VGLL4: variants seen among roughly 807,000 people sequenced by gnomAD.
VGLL4 encodes vestigial like family member 4, also known as transcription cofactor vestigial-like protein 4.
Under a neutral mutation model 21.0 loss-of-function variants are expected in VGLL4, and 7 were observed. The observed-to-expected ratio is 0.33, with a 90% CI of 0.19 to 0.63. The LOEUF (loss-of-function observed/expected upper bound fraction) is 0.63. Among genes scored for constraint, VGLL4 ranks in the 20% least tolerant of loss-of-function variants. The pLI is 0.78. For synonymous variants in VGLL4, 222 were observed against 173.2 expected (o/e 1.28, Z -2.21); for missense variants, 394 against 425.7 (o/e 0.93, Z 0.66).
At chr3:11,646,876 G>A (rs111633888), upstream of VGLL4, among the ~76,000 whole-genome samples, 302 of 152,252 alleles carry the variant, frequency 2.0e-3, no homozygotes, top group African/African-American at 7.1e-3. Flanking sequence ...AGAGGGGTTC[G>A]AGCACCAGGT....
In VGLL4 at chr3:11,585,992, T is replaced by TC. The variant is rs1449766397; in HGVS notation, c.272+15840dup. ...ACTCCAGAGCAGTCTCTGGGTCCCC[T>TC]CTTCCCATGAAAGCCCCCAACCCTT... On this transcript the variant is annotated intron_variant, in intron 2 of 4. Transcript: ENST00000430365. 7.2e-5 allele frequency among the ~76,000 whole-genome samples: 11 copies of TC among 152,230 alleles called. No homozygotes were observed. In the East Asian group the frequency reaches 2.1e-3, roughly 29 times the overall value.
At chr3:11,642,068 G>GA (rs1017217930) in intron 1 of VGLL4, among the ~76,000 whole-genome samples, 5 of 151,702 alleles carry the variant, frequency 3.3e-5, no homozygotes, top group African/African-American at 1.2e-4. Context: ...TACAATGTGT[G>GA]AATGTCACGG....
At chr3:11,613,719 A>G (rs1297299758) in intron 1 of VGLL4, among the ~76,000 whole-genome samples, 3 of 152,210 alleles carry the variant, frequency 2.0e-5, no homozygotes, top group Admixed American at 2.0e-4. Context: ...AGGGATTTCT[A>G]TGCGAATCAA....
intron 2 of VGLL4, chr3:11,702,936 C>A: frequency 6.3e-7 from 1 of 1,584,470 alleles, no homozygotes; most frequent in Non-Finnish European, 8.6e-7. Context: ...ATCATTAAAG[C>A]ACTTAAGCTA....
rs1283508307 is a variant in VGLL4 at position 11,719,426 on chromosome 3, G to C, written c.-14+968C>G. 1.3e-5 allele frequency: 2 copies of C among 151,694 alleles called. No homozygotes were observed. The highest frequency in any genetic ancestry group is 4.8e-5 in the African/African-American group (2 of 41,368). 9.4% of individuals were successfully genotyped at this position (151,694 alleles called of 1,614,324 possible). ...GGTCAACCGCACTCACCGCCCGGCG[G>C]CTCTGGGCGCGCCCGCCTGGGGCCG... On this transcript the variant is annotated intron_variant, in intron 1 of 5. Transcript: ENST00000273038. This position sits in a 1 kb window ranked among gnomAD's most constrained non-coding sequence, Gnocchi z 4.0.
chr3:11,651,237 G>C (rs578206355), intron 2 of VGLL4, among the ~76,000 whole-genome samples: 20 of 151,682 alleles, frequency 1.3e-4, no homozygotes, highest in African/African-American at 3.6e-4. Context: ...CAGCTACTTG[G>C]GAGGCTGAGG....
At chr3:11,604,643 G>C (rs935847142) in intron 1 of VGLL4, 1 of 674,862 alleles carries the variant, frequency 1.5e-6, no homozygotes, top group African/African-American at 2.0e-5. Flanking sequence ...TTGCAATCTT[G>C]ACTCCTCCTT....
intron 1 of VGLL4, 71 bp downstream of exon 1, chr3:11,643,366 A>G (rs2075732794): frequency 6.2e-7 from 1 of 1,611,122 alleles, no homozygotes; most frequent in African/African-American, 1.3e-5. Flanking sequence ...CTTAGAAGGC[A>G]GGCACCCAGC....
intron 2 of VGLL4, chr3:11,582,323 C>T: frequency 1.3e-6 from 2 of 1,596,156 alleles, no homozygotes; most frequent in Non-Finnish European, 1.7e-6. Context: ...GAAGACAGCC[C>T]AGCGTCCTCC....
At chr3:11,683,943 G>T (rs547029603) in intron 2 of VGLL4, among the ~76,000 whole-genome samples, 37 of 152,210 alleles carry the variant, frequency 2.4e-4, no homozygotes, top group Middle Eastern at 3.4e-3. Context: ...AGGTGTGATG[G>T]ATCACACCTG....
chr3:11,634,635 A>C (rs930134108), intron 1 of VGLL4, among the ~76,000 whole-genome samples: 12 of 151,250 alleles, frequency 7.9e-5, no homozygotes, highest in Admixed American at 5.3e-4. Context: ...GTTGCTCACC[A>C]TATGTGCACC....
At chr3:11,714,124 C>T (rs2076887126) in intron 1 of VGLL4, among the ~76,000 whole-genome samples, 1 of 152,100 alleles carries the variant, frequency 6.6e-6, no homozygotes, top group South Asian at 2.1e-4. Context: ...TGATCATGTA[C>T]CCGGTGAGGT....
intron 2 of VGLL4, among the ~76,000 whole-genome samples, chr3:11,686,068 A>C (rs2076443018): frequency 6.6e-6 from 1 of 152,182 alleles, no homozygotes; most frequent in African/African-American, 2.4e-5. Flanking sequence ...AGAAATTGGA[A>C]CCCTTGTGTA....
intron 1 of VGLL4, among the ~76,000 whole-genome samples, chr3:11,704,670 G>A (rs2076734561): frequency 6.6e-6 from 1 of 152,130 alleles, no homozygotes; most frequent in Non-Finnish European, 1.5e-5. Flanking sequence ...GTTTGAGGAA[G>A]CCTGGAGTAA....
At chr3:11,661,752 G>A (rs990326493) in intron 2 of VGLL4, among the ~76,000 whole-genome samples, 1 of 152,168 alleles carries the variant, frequency 6.6e-6, no homozygotes, top group Non-Finnish European at 1.5e-5. Flanking sequence ...GATTACAGGT[G>A]TGAGCCACTG....
intron 1 of VGLL4, among the ~76,000 whole-genome samples, chr3:11,642,987 T>C (rs1487411698): frequency 1.3e-5 from 2 of 152,088 alleles, no homozygotes; most frequent in Non-Finnish European, 2.9e-5. Flanking sequence ...AAAAACTCGC[T>C]GTAACTTTGG....
At chr3:11,642,382 G>C (rs570567225) in intron 1 of VGLL4, among the ~76,000 whole-genome samples, 2 of 152,134 alleles carry the variant, frequency 1.3e-5, no homozygotes, top group East Asian at 3.8e-4. Context: ...AAACAGGCCT[G>C]AAGTTTTTAG....
chr3:11,571,281 T>C (rs1575391592), intron 2 of VGLL4, among the ~76,000 whole-genome samples: 1 of 152,112 alleles, frequency 6.6e-6, no homozygotes, highest in East Asian at 1.9e-4. Flanking sequence ...TGCTTAATAA[T>C]TGAAAAAAAG....
intron 2 of VGLL4, among the ~76,000 whole-genome samples, chr3:11,588,394 C>G (rs2074408566): frequency 1.3e-5 from 2 of 152,226 alleles, no homozygotes; most frequent in Admixed American, 1.3e-4. Context: ...TTCAGAACCA[C>G]ACTGGAGGAT....
Sources: allele counts gnomAD v4.1 joint callset (sites outside exome capture counted in the v4.1 genomes callset), GRCh38; gene constraint gnomAD v4.1.1; non-coding constraint Gnocchi (gnomAD v3.1); transcripts MANE v1.5; gene names NCBI Gene and HGNC (gene_info 2026-07-23, HGNC 2026-07-21).